Variants in ATP8B4 observed in about 807,000 individuals in gnomAD.
The protein encoded by ATP8B4 is ATPase phospholipid transporting 8B4 (putative), also known as probable phospholipid-transporting ATPase IM.
Under a neutral mutation model 145.6 loss-of-function variants are expected in ATP8B4, and 133 were observed. The observed-to-expected ratio is 0.91, with a 90% CI of 0.79 to 1.05. ATP8B4 has a LOEUF of 1.05. Ranked by LOEUF, ATP8B4 falls within the 50% of genes least tolerant of loss-of-function variation. The pLI, the probability that ATP8B4 is intolerant of heterozygous loss-of-function variation, is 0.00. For synonymous variants in ATP8B4, 507 were observed against 492.9 expected (o/e 1.03, Z -0.38); for missense variants, 1,458 against 1,425.2 (o/e 1.02, Z -0.37).
chr15:49,974,643 A>G (rs1488283202), intron 12 of ATP8B4, among the ~76,000 whole-genome samples: 3 of 152,154 alleles, frequency 2.0e-5, no homozygotes, highest in Non-Finnish European at 4.4e-5. Flanking sequence ...TGTCTTCTCT[A>G]TGCCAAGATT....
chr15:49,961,299 A>G (rs1475383866), intron 14 of ATP8B4, among the ~76,000 whole-genome samples: 1 of 152,168 alleles, frequency 6.6e-6, no homozygotes, highest in Non-Finnish European at 1.5e-5. Flanking sequence ...TTGATAAAAC[A>G]TTGTGTTGGT....
At chr15:50,042,241 AAG>A (rs1192342419) in intron 5 of ATP8B4, among the ~76,000 whole-genome samples, 1 of 152,192 alleles carries the variant, frequency 6.6e-6, no homozygotes, top group Non-Finnish European at 1.5e-5. Flanking sequence ...TTAAGAAATG[AAG>A]AGTTATATCC....
At chr15:50,089,631 G>C (rs1001152919) in intron 2 of ATP8B4, among the ~76,000 whole-genome samples, 2 of 152,074 alleles carry the variant, frequency 1.3e-5, no homozygotes, top group African/African-American at 4.8e-5. Flanking sequence ...ACAGATGCTA[G>C]TGAGGCTGTG....
chr15:50,001,324 G>T (rs1190257679), intron 8 of ATP8B4, among the ~76,000 whole-genome samples: 1 of 151,268 alleles, frequency 6.6e-6, no homozygotes, highest in Non-Finnish European at 1.5e-5. Flanking sequence ...AACTGTTTTA[G>T]TTGTGTCTGA....
chr15:50,077,846 T>C (rs1177659592), intron 2 of ATP8B4, among the ~76,000 whole-genome samples: 2 of 152,076 alleles, frequency 1.3e-5, no homozygotes, highest in African/African-American at 2.4e-5. Context: ...ACTTGGCCCC[T>C]AGTAAAGCCT....
rs141534280 is a variant in ATP8B4 at position 49,951,455 on chromosome 15, TTCTTAG to T, written c.1287+10516_1287+10521del. Among the ~76,000 whole-genome samples the T allele has an allele frequency of 7.3e-3, 1,119 of 152,352 alleles. 16 individuals carry two copies. Among genetic ancestry groups the T allele is most frequent in the African/African-American group, 0.026 (1,069 of 41,574 alleles). ...TTCCCTTTACCATTATGTAATGCCC[TTCTTAG>T]TCTTTTTTTTATCTTTCTTGGTTTA... On this transcript the variant is annotated intron_variant, in intron 14 of 27. Coordinates refer to ENST00000284509, the MANE Select transcript of ATP8B4 (RefSeq NM_024837.4).
intron 6 of ATP8B4, among the ~76,000 whole-genome samples, chr15:50,034,102 T>C (rs1280741816): frequency 6.6e-6 from 1 of 152,160 alleles, no homozygotes; most frequent in Non-Finnish European, 1.5e-5. Flanking sequence ...CTGGGTCAAA[T>C]AGTAGTTCTG....
intron 1 of ATP8B4, among the ~76,000 whole-genome samples, chr15:50,112,538 C>T (rs1436520187): frequency 6.6e-6 from 1 of 152,046 alleles, no homozygotes; most frequent in Non-Finnish European, 1.5e-5. Context: ...TTCCGTTCGG[C>T]TTGCCTCCTC....
intron 19 of ATP8B4, among the ~76,000 whole-genome samples, chr15:49,918,239 T>C (rs1310334027): frequency 2.0e-5 from 3 of 152,274 alleles, no homozygotes; most frequent in African/African-American, 7.2e-5. Flanking sequence ...TGATTTGGCA[T>C]TTTGTCAAGC....
Position 50,074,195 on chromosome 15 carries a change from GA to G in ATP8B4, c.29-11del. ...ACTATCCGTTCCACTTCTAAAGAGAGAGAAATCAAGTATGAAATTAAATTGT... is the reference window on the plus strand; with the variant it reads ...ACTATCCGTTCCACTTCTAAAGAGAGGAAATCAAGTATGAAATTAAATTGT... On this transcript the variant is annotated splice_polypyrimidine_tract_variant and intron_variant, in intron 2 of 27. Coordinates refer to ENST00000284509, the MANE Select transcript of ATP8B4 (RefSeq NM_024837.4). 6.2e-7 allele frequency: 1 copy of G among 1,605,270 alleles called. No homozygotes were observed. The highest frequency in any genetic ancestry group is 8.5e-7 in the Non-Finnish European group (1 of 1,174,540).
At chr15:49,873,755 A>C (rs1022115994) in intron 25 of ATP8B4, among the ~76,000 whole-genome samples, 11 of 152,196 alleles carry the variant, frequency 7.2e-5, no homozygotes, top group Non-Finnish European at 1.0e-4. Context: ...ACCGCAGCAC[A>C]TCCCACCTTC....
chr15:50,025,351 G>A (rs934198727), intron 6 of ATP8B4, among the ~76,000 whole-genome samples: 5 of 152,172 alleles, frequency 3.3e-5, no homozygotes, highest in African/African-American at 9.7e-5. Context: ...GCCCTGCAGG[G>A]TCTGGCCTCT....
intron 1 of ATP8B4, among the ~76,000 whole-genome samples, chr15:50,162,258 T>C (rs2044531413): frequency 6.6e-6 from 1 of 151,846 alleles, no homozygotes; most frequent in East Asian, 1.9e-4. Context: ...GGTAGTCTTC[T>C]CTGAGTTAAA....
intron 4 of ATP8B4, among the ~76,000 whole-genome samples, chr15:50,046,158 C>T (rs1056957616): frequency 6.6e-6 from 1 of 152,176 alleles, no homozygotes; most frequent in East Asian, 1.9e-4. Context: ...AACTCTTGAG[C>T]CACAGTGACA....
chr15:50,087,444 T>C (rs556735064), intron 2 of ATP8B4, among the ~76,000 whole-genome samples: 1 of 147,640 alleles, frequency 6.8e-6, no homozygotes. Context: ...ATACATAATA[T>C]ATATACACTC....
chr15:49,931,414 T>A, intron 15 of ATP8B4, 107 bp from the exon 16 acceptor site: 1 of 1,091,446 alleles, frequency 9.2e-7, no homozygotes, highest in Non-Finnish European at 1.3e-6. Flanking sequence ...AAGCATCAGG[T>A]CTAAAAATCT....
Position 49,876,381 on chromosome 15 carries a change from C to T in ATP8B4, c.2924G>A (p.Gly975Glu), listed in dbSNP as rs2034423940. 1 of 1,614,052 alleles carries T rather than the reference C, an allele frequency of 6.2e-7. No individual in the cohort carries two copies. Among genetic ancestry groups the T allele is most frequent in the Non-Finnish European group, 8.5e-7 (1 of 1,179,996 alleles). Residue 975 changes from glycine (G) to glutamate (E), a missense_variant, in exon 25 of 28, where the codon GGG becomes GAG. Physicochemically the swap from Gly to Glu is moderately conservative, Grantham distance 98. Coordinates refer to ENST00000284509, the MANE Select transcript of ATP8B4 (RefSeq NM_024837.4). ...TTCTCCAGCCACGTTGTAAAAGGCC[C>T]CATAGGGGATGAAGAAAAGGACTAA... ...TSLVLFFIPY[G>E]AFYNVAGEDG...
intron 7 of ATP8B4, among the ~76,000 whole-genome samples, chr15:50,004,099 C>T (rs2048123199): frequency 6.6e-6 from 1 of 152,204 alleles, no homozygotes; most frequent in African/African-American, 2.4e-5. Flanking sequence ...CTCCTGCTTT[C>T]CTACTCCTTG....
rs1164129425 is a variant in ATP8B4, at chr15:49,859,414, C to T, written c.*780G>A. 2 of 152,128 alleles carry T rather than the reference C, an allele frequency of 1.3e-5. No homozygotes were observed. Among genetic ancestry groups the T allele is most frequent in the Non-Finnish European group, 2.9e-5 (2 of 68,024 alleles). 9.4% of individuals were successfully genotyped at this position (152,128 alleles called of 1,614,324 possible). On this transcript the variant is annotated 3_prime_UTR_variant, in exon 28 of 28. Coordinates refer to ENST00000284509, the MANE Select transcript of ATP8B4 (RefSeq NM_024837.4). ...CTGGATGATGCTCAGCAAATTACTACTGAGGTTGTTAGAAAAGCCATTGAA... is the reference window on the plus strand; with the variant it reads ...CTGGATGATGCTCAGCAAATTACTATTGAGGTTGTTAGAAAAGCCATTGAA...
Sources: gnomAD v4.1 joint callset for allele counts (sites outside exome capture counted in the v4.1 genomes callset) on GRCh38, gnomAD v4.1.1 for gene constraint, MANE v1.5 for transcripts, NCBI Gene and HGNC (gene_info 2026-07-23, HGNC 2026-07-21) for gene names.